TMEM223: variants seen among roughly 807,000 people sequenced by gnomAD.
The protein encoded by TMEM223 is transmembrane protein 223.
In TMEM223, 14 loss-of-function variants were observed where a neutral mutation model predicts 14.1. That is an observed-to-expected ratio of 0.99 (90% CI 0.66 to 1.55). The LOEUF is 1.55. Among genes scored for constraint, TMEM223 ranks in the 40% most tolerant of loss-of-function variants. The pLI is 0.00. For missense variants in TMEM223, 346 were observed against 269.9 expected (o/e 1.28, Z -1.97); for synonymous variants, 145 against 120.5 (o/e 1.20, Z -1.33).
intron 1 of TMEM223, among the ~76,000 whole-genome samples, chr11:62,777,395 A>G (rs2084195518): frequency 6.6e-6 from 1 of 152,198 alleles, no homozygotes; most frequent in Admixed American, 6.5e-5. Flanking sequence ...GCAACAGCAG[A>G]CCAGGTGCTA....
At chr11:62,775,376 G>A (rs1227728306) in intron 1 of TMEM223, among the ~76,000 whole-genome samples, 3 of 152,172 alleles carry the variant, frequency 2.0e-5, no homozygotes, top group Admixed American at 6.5e-5. Flanking sequence ...AGATTTGTGC[G>A]GGGACACAGC....
rs2084189582 is a variant in TMEM223, at chr11:62,776,535, G to T, written c.315-1870C>A. ...AGGCCACTTCCATGTCCAGTTCAGG[G>T]CTGGCGATGTGGTGAGACATTAAGA... On this transcript the variant is annotated intron_variant, in intron 1 of 2. Transcript: ENST00000528367. The T allele has an allele frequency of 2.8e-5, 43 of 1,524,952 alleles. 1 individual carries two copies. The South Asian group carries it at 4.3e-4, about 15-fold the overall frequency. 94.5% of individuals were successfully genotyped at this position (1,524,952 alleles called of 1,614,324 possible).
downstream of TMEM223, among the ~76,000 whole-genome samples, chr11:62,784,560 C>T (rs993946986): frequency 6.6e-6 from 1 of 152,098 alleles, no homozygotes; most frequent in Admixed American, 6.5e-5. Flanking sequence ...CCCGCCTTGG[C>T]CTCCCAAAGT....
chr11:62,772,166 A>C (rs1215418705), intron 2 of TMEM223: 1 of 456,206 alleles, frequency 2.2e-6, no homozygotes. Flanking sequence ...ATAATATCTT[A>C]TTATTGAGAA....
At position 62,790,217 on chromosome 11, in the gene TMEM223, C is replaced by T; in HGVS notation, c.*406G>A. ...ACCTCTTCCTGCAGCTGTTTTTGTA[C>T]CAAAATATTATATTACTGTCTTCAT... On this transcript the variant is annotated 3_prime_UTR_variant, in exon 2 of 2. Transcript: ENST00000307366. The T allele has an allele frequency of 1.4e-6, 1 of 718,838 alleles. No individual in the cohort carries two copies. The highest frequency in any genetic ancestry group is 2.2e-6 in the Non-Finnish European group (1 of 457,752). 44.5% of individuals were successfully genotyped at this position (718,838 alleles called of 1,614,324 possible).
chr11:62,789,669 A>C, downstream of TMEM223: 1 of 1,545,746 alleles, frequency 6.5e-7, no homozygotes, highest in East Asian at 2.2e-5. Context: ...TCCAACCTAC[A>C]CAATGCTGAA....
At chr11:62,783,211 A>G (rs938189128), downstream of TMEM223, among the ~76,000 whole-genome samples, 7 of 152,320 alleles carry the variant, frequency 4.6e-5, no homozygotes, top group South Asian at 2.1e-4. Context: ...CGCCGGGCGC[A>G]GTGGCTCACG....
intron 1 of TMEM223, chr11:62,775,994 A>G (rs1252803528): frequency 8.5e-6 from 13 of 1,526,374 alleles, no homozygotes; most frequent in South Asian, 1.3e-5. Flanking sequence ...ACTAACCTCC[A>G]CCCTCGCTGA....
At chr11:62,771,208 AC>A (rs927189693), downstream of TMEM223, 6 of 152,288 alleles carry the variant, frequency 3.9e-5, no homozygotes, top group African/African-American at 1.4e-4. Context: ...AACAATACAC[AC>A]CTACTCGCAA....
At chr11:62,787,752 T>G (rs1163468430), downstream of TMEM223, 2 of 686,306 alleles carry the variant, frequency 2.9e-6, no homozygotes, top group Non-Finnish European at 5.2e-6. Context: ...AAGGGACGGG[T>G]CAGTAGCGTC....
chr11:62,774,478 G>A, intron 2 of TMEM223: 1 of 428,440 alleles, frequency 2.3e-6, no homozygotes, highest in Non-Finnish European at 4.7e-6. Flanking sequence ...GACGTCACTG[G>A]TGACCCATTG....
At chr11:62,776,756 C>T (rs1385816278) in intron 1 of TMEM223, among the ~76,000 whole-genome samples, 1 of 150,926 alleles carries the variant, frequency 6.6e-6, no homozygotes, top group Non-Finnish European at 1.5e-5. Context: ...GAAACTGAGG[C>T]ATGAGAATCG....
At chr11:62,787,514 T>C (rs778004640), downstream of TMEM223, 1 of 1,576,108 alleles carries the variant, frequency 6.3e-7, no homozygotes. Context: ...GCCGCGGCGA[T>C]GACTCGGACC....
intron 1 of TMEM223, among the ~76,000 whole-genome samples, chr11:62,775,426 G>A (rs1269928609): frequency 6.6e-6 from 1 of 152,224 alleles, no homozygotes; most frequent in African/African-American, 2.4e-5. Flanking sequence ...GCAACCCTGT[G>A]AGCTAGAGAG....
At chr11:62,789,435 A>G (rs942781241), downstream of TMEM223, 1 of 1,613,600 alleles carries the variant, frequency 6.2e-7, no homozygotes, top group Non-Finnish European at 8.5e-7. Context: ...AGGTAATGGG[A>G]GAGGGAGGGA....
At position 62,774,703 on chromosome 11, in the gene TMEM223, G is replaced by C. The variant is rs376279153; in HGVS notation, c.315-38C>G. ...CAGGTTCCAGCATTTAGGCACTGCA[G>C]CCAAACTGGGGAAGACCAAACACAT... On this transcript the variant is annotated intron_variant, in intron 1 of 2. Transcript: ENST00000528367. 8.7e-4 allele frequency: 395 copies of C among 454,168 alleles called. 3 individuals carry two copies. Among genetic ancestry groups the C allele is most frequent in the South Asian group, 6.1e-3 (391 of 64,452 alleles). 28.1% of individuals were successfully genotyped at this position (454,168 alleles called of 1,614,324 possible). A position where few individuals can be genotyped will look rare whatever the true frequency, so the allele number is the denominator to read the frequency against.
At chr11:62,789,781 AG>A, downstream of TMEM223, 5 of 1,518,786 alleles carry the variant, frequency 3.3e-6, no homozygotes, top group Non-Finnish European at 4.4e-6. Context: ...GAGGAGCTGA[AG>A]GGGTTGTCAG....
At position 62,790,131 on chromosome 11, in the gene TMEM223, G is replaced by T; in HGVS notation, c.*492C>A. ...CCCCCTCAAGGCCCTGTTTATGTTG[G>T]GAGTCTTAGTTTTCCTTTCGTTGGG... On this transcript the variant is annotated 3_prime_UTR_variant, in exon 2 of 2. Coordinates refer to ENST00000307366, the MANE Select transcript of TMEM223 (RefSeq NM_001080501.3). 1 of 1,409,192 alleles carries T rather than the reference G, an allele frequency of 7.1e-7. No homozygotes were observed. The highest frequency in any genetic ancestry group is 9.4e-7 in the Non-Finnish European group (1 of 1,064,604). 87.3% of individuals were successfully genotyped at this position (1,409,192 alleles called of 1,614,324 possible).
chr11:62,776,388 G>A (rs1389961060), intron 1 of TMEM223: 4 of 1,613,318 alleles, frequency 2.5e-6, no homozygotes, highest in Non-Finnish European at 3.4e-6. Flanking sequence ...TCCCAGAATA[G>A]CTCTCAGTTC....
Sources: allele counts gnomAD v4.1 joint callset (sites outside exome capture counted in the v4.1 genomes callset), GRCh38; gene constraint gnomAD v4.1.1; transcripts MANE v1.5; gene names NCBI Gene and HGNC (gene_info 2026-07-23, HGNC 2026-07-21).